The following SLC44A5 variants were observed in gnomAD, a reference collection of about 807,000 sequenced individuals.
SLC44A5 encodes the protein choline transporter-like protein 5.
A neutral mutation model predicts 101.8 loss-of-function variants in SLC44A5; 57 were observed. The observed-to-expected ratio is 0.56, with a 90% CI of 0.45 to 0.70. The LOEUF is 0.70. Ranked by LOEUF, SLC44A5 falls within the 30% of genes least tolerant of loss-of-function variation. SLC44A5 has a pLI of 0.00. For missense variants in SLC44A5, 737 were observed against 853.1 expected (o/e 0.86, Z 1.70); for synonymous variants, 281 against 290.9 (o/e 0.97, Z 0.35).
chr1:75,238,385 C>CATATATATATATATATATATATATATAT (rs71081318), intron 10 of SLC44A5, 128 bp downstream of exon 10: 2 of 201,462 alleles, frequency 9.9e-6, no homozygotes, highest in Non-Finnish European at 1.8e-5. Context: ...ACGTATATTT[C>CATATATATATATATATATATATATATAT]ATATATATAT....
At chr1:75,320,073 A>C (rs764800273) in intron 4 of SLC44A5, among the ~76,000 whole-genome samples, 5 of 152,128 alleles carry the variant, frequency 3.3e-5, no homozygotes, top group South Asian at 2.1e-4. Flanking sequence ...AAAACATAAA[A>C]ATGTGTTTAT....
intron 6 of SLC44A5, among the ~76,000 whole-genome samples, chr1:75,257,585 C>G (rs1650118992): frequency 6.6e-6 from 1 of 152,024 alleles, no homozygotes; most frequent in Non-Finnish European, 1.5e-5. Flanking sequence ...TCCACATTCC[C>G]AACACAAACT....
At chr1:75,415,040 G>A (rs989601324) in intron 2 of SLC44A5, among the ~76,000 whole-genome samples, 1 of 152,224 alleles carries the variant, frequency 6.6e-6, no homozygotes, top group African/African-American at 2.4e-5. Flanking sequence ...CCAGTCAGGG[G>A]AGTGGAACAG....
chr1:75,669,093 C>G, the SLC44A5 span, among the ~76,000 whole-genome samples: 1 of 151,598 alleles, frequency 6.6e-6, no homozygotes, highest in Admixed American at 6.6e-5. Flanking sequence ...TTCAATTAAA[C>G]TTCCTATTCA....
chr1:75,560,025 T>C (rs144492480), intron 1 of SLC44A5, among the ~76,000 whole-genome samples: 470 of 152,198 alleles, frequency 3.1e-3, no homozygotes, highest in Non-Finnish European at 4.9e-3. Context: ...ATCAAAAAGA[T>C]TTAGGCAGTA....
Position 75,379,172 on chromosome 1 carries a change from G to A in SLC44A5, c.52+17411C>T, listed in dbSNP as rs1306355183. Among the ~76,000 whole-genome samples the A allele has an allele frequency of 4.1e-5, 3 of 72,856 alleles. 1 individual carries two copies. The highest frequency in any genetic ancestry group is 6.6e-5 in the Non-Finnish European group (3 of 45,332). 47.8% of individuals were successfully genotyped at this position (72,856 alleles called of 152,430 possible). A position where few individuals can be genotyped will look rare whatever the true frequency, so the allele number is the denominator to read the frequency against. ...TATGAAAGAGGGAGTAAAACAGTAT[G>A]GACCCAACTCTCCTTATATGAGGAC... On this transcript the variant is annotated intron_variant, in intron 3 of 23. Transcript: ENST00000370859.
the SLC44A5 span, among the ~76,000 whole-genome samples, chr1:75,720,933 TTATC>T: frequency 6.6e-6 from 1 of 152,090 alleles, no homozygotes; most frequent in Non-Finnish European, 1.5e-5. Flanking sequence ...TTGGTTAAGT[TTATC>T]TAAAGACCTG....
intron 2 of SLC44A5, among the ~76,000 whole-genome samples, chr1:75,528,896 T>C (rs1446233917): frequency 6.6e-6 from 1 of 152,190 alleles, no homozygotes; most frequent in African/African-American, 2.4e-5. Flanking sequence ...GGTCTGTCTA[T>C]TGCTTATTCA....
the SLC44A5 span, among the ~76,000 whole-genome samples, chr1:75,648,058 G>T: frequency 4.6e-5 from 7 of 152,320 alleles, no homozygotes; most frequent in East Asian, 1.2e-3. Flanking sequence ...ATCTCATCTT[G>T]AATTGTAATC....
intron 2 of SLC44A5, among the ~76,000 whole-genome samples, chr1:75,481,395 T>G (rs1319740760): frequency 3.0e-4 from 45 of 151,972 alleles, no homozygotes; most frequent in Admixed American, 2.0e-3. Flanking sequence ...AAAGCCAAAA[T>G]TGACAAATGG....
At chr1:75,445,775 G>T (rs1469196921) in intron 2 of SLC44A5, among the ~76,000 whole-genome samples, 1 of 151,910 alleles carries the variant, frequency 6.6e-6, no homozygotes, top group Non-Finnish European at 1.5e-5. Flanking sequence ...CTCTCCAACT[G>T]CCCATGTGGC....
chr1:75,563,360 T>C (rs1672623697), intron 1 of SLC44A5, among the ~76,000 whole-genome samples: 1 of 151,564 alleles, frequency 6.6e-6, no homozygotes, highest in Non-Finnish European at 1.5e-5. Context: ...TTCAAATGAG[T>C]AAATGTGTCA....
intron 2 of SLC44A5, among the ~76,000 whole-genome samples, chr1:75,505,109 C>T (rs1394292439): frequency 3.3e-5 from 5 of 152,070 alleles, no homozygotes; most frequent in African/African-American, 1.2e-4. Flanking sequence ...TTTGTTCCTT[C>T]ATCATTTCAT....
In SLC44A5 at chr1:75,251,532, A is replaced by G. The variant is rs143023904; in HGVS notation, c.261-238T>C. On this transcript the variant is annotated intron_variant, in intron 6 of 23. Coordinates refer to ENST00000370859, the MANE Select transcript of SLC44A5 (RefSeq NM_001130058.2). Reference sequence around the variant, plus strand: ...GGAGATTGCTTAAATAGATTTGTATACCCATAAGGTAGAACATTACATTGC... The same window carrying G: ...GGAGATTGCTTAAATAGATTTGTATGCCCATAAGGTAGAACATTACATTGC... Among the ~76,000 whole-genome samples, 22 of 152,296 alleles carry G rather than the reference A, an allele frequency of 1.4e-4. No individual in the cohort carries two copies. In the East Asian group the frequency reaches 4.1e-3, roughly 28 times the overall value.
chr1:75,499,228 T>C (rs1358403103), intron 2 of SLC44A5, among the ~76,000 whole-genome samples: 1 of 152,196 alleles, frequency 6.6e-6, no homozygotes, highest in East Asian at 1.9e-4. Context: ...AATTTTTCCA[T>C]GGATGGGGGC....
intron 4 of SLC44A5, among the ~76,000 whole-genome samples, chr1:75,324,172 C>G (rs891783033): frequency 1.3e-5 from 2 of 152,186 alleles, no homozygotes; most frequent in Non-Finnish European, 2.9e-5. Context: ...TTTTTCCCAA[C>G]ATACTTCAAA....
At chr1:75,639,209 C>T in the SLC44A5 span, among the ~76,000 whole-genome samples, 1 of 152,042 alleles carries the variant, frequency 6.6e-6, no homozygotes, top group Admixed American at 6.6e-5. Flanking sequence ...TAAGTGTTCT[C>T]ACCACAAAAT....
At chr1:75,492,953 C>T (rs1269204631) in intron 2 of SLC44A5, among the ~76,000 whole-genome samples, 1 of 152,174 alleles carries the variant, frequency 6.6e-6, no homozygotes, top group Non-Finnish European at 1.5e-5. Context: ...AATTTTCTAC[C>T]TGAAGGTAAG....
At chr1:75,705,682 T>C in the SLC44A5 span, among the ~76,000 whole-genome samples, 2 of 152,174 alleles carry the variant, frequency 1.3e-5, no homozygotes, top group East Asian at 1.9e-4. Flanking sequence ...GTGTTTTTGT[T>C]TGTTTGTTTG....
Sources: allele counts gnomAD v4.1 joint callset (sites outside exome capture counted in the v4.1 genomes callset), GRCh38; gene constraint gnomAD v4.1.1; transcripts MANE v1.5; gene names NCBI Gene and HGNC (gene_info 2026-07-23, HGNC 2026-07-21).